The following AATF variants were observed in gnomAD, a reference collection of about 807,000 sequenced individuals.
AATF encodes apoptosis antagonizing transcription factor, also known as protein AATF.
Under a neutral mutation model 63.7 loss-of-function variants are expected in AATF, and 48 were observed. The observed-to-expected ratio is 0.75, with a 90% CI of 0.60 to 0.96. The LOEUF (loss-of-function observed/expected upper bound fraction) is 0.96. Among genes scored for constraint, AATF ranks in the 40% least tolerant of loss-of-function variants. AATF has a pLI of 0.00. For synonymous variants in AATF, 258 were observed against 247.7 expected (o/e 1.04, Z -0.39); for missense variants, 639 against 685.7 (o/e 0.93, Z 0.76).
At chr17:36,949,252 G>T in intron 1 of AATF, 36 bp downstream of exon 1, 1 of 1,557,602 alleles carries the variant, frequency 6.4e-7, no homozygotes, top group Non-Finnish European at 8.7e-7. Flanking sequence ...GTGCGGAGCG[G>T]TGGGCCAGGC....
At position 36,950,399 on chromosome 17, in the gene AATF, T is replaced by G; in HGVS notation, c.277T>G (p.Ser93Ala). The change falls in exon 2 of 12, where the codon TCG becomes GCG. Residue 93 changes from serine (S) to alanine (A), a missense_variant. Coordinates refer to ENST00000619387, the MANE Select transcript of AATF (RefSeq NM_012138.4). ...CCATTGGGAGCAGACTCTGCCAGGATCGTCTGGTGAGTAGACATTTTTGAA... is the reference window on the plus strand; with the variant it reads ...CCATTGGGAGCAGACTCTGCCAGGAGCGTCTGGTGAGTAGACATTTTTGAA... ...EDHWEQTLPG[S>A]SDEEISDEEG... 3 of 1,613,896 alleles carry G rather than the reference T, an allele frequency of 1.9e-6. No individual in the cohort carries two copies. The highest frequency in any genetic ancestry group is 2.5e-6 in the Non-Finnish European group (3 of 1,179,774).
intron 10 of AATF, among the ~76,000 whole-genome samples, chr17:37,021,395 G>A (rs772076303): frequency 1.3e-5 from 2 of 152,160 alleles, no homozygotes; most frequent in African/African-American, 2.4e-5. Context: ...TTGGGAGGCC[G>A]AGGTGGGCAG....
chr17:36,963,082 G>C (rs1303899544), intron 4 of AATF, among the ~76,000 whole-genome samples: 1 of 152,172 alleles, frequency 6.6e-6, no homozygotes, highest in Non-Finnish European at 1.5e-5. Flanking sequence ...TCGCACCATT[G>C]CACTCCAGCC....
rs1567960723 is a variant in AATF at position 36,948,960 on chromosome 17, C to G, written c.-166C>G. ...AGGCCCCGCCCCCTCCCGCGCGCCT[C>G]CCGGAAGTGGCCGGTCCAGAGCTGT... On this transcript the variant is annotated 5_prime_UTR_variant, in exon 1 of 12. Transcript: ENST00000619387. The G allele has an allele frequency of 3.4e-6, 2 of 594,492 alleles. No homozygotes were observed. The highest frequency in any genetic ancestry group is 5.7e-6 in the Non-Finnish European group (2 of 350,338). 36.8% of individuals were successfully genotyped at this position (594,492 alleles called of 1,614,324 possible).
intron 4 of AATF, among the ~76,000 whole-genome samples, chr17:36,970,045 T>C (rs910730096): frequency 1.4e-4 from 21 of 152,226 alleles, no homozygotes; most frequent in Non-Finnish European, 5.9e-5. Context: ...TTGTTTTGTT[T>C]CCAGTTTTTG....
intron 8 of AATF, among the ~76,000 whole-genome samples, chr17:37,000,789 C>G (rs1390476287): frequency 6.6e-6 from 1 of 152,066 alleles, no homozygotes; most frequent in East Asian, 1.9e-4. Context: ...AAGGAGCAAC[C>G]AGTGATGTAA....
intron 8 of AATF, among the ~76,000 whole-genome samples, chr17:37,009,200 C>T (rs367547899): frequency 1.1e-4 from 16 of 152,046 alleles, no homozygotes; most frequent in East Asian, 5.8e-4. Context: ...GGCGCGATCT[C>T]GGCTCACTGC....
At chr17:36,966,474 C>T (rs2070992258) in intron 4 of AATF, among the ~76,000 whole-genome samples, 1 of 152,028 alleles carries the variant, frequency 6.6e-6, no homozygotes, top group Non-Finnish European at 1.5e-5. Flanking sequence ...CACTGTGTTG[C>T]CCAAGCTGGT....
chr17:36,992,815 G>A (rs1235189418), intron 8 of AATF, among the ~76,000 whole-genome samples: 2 of 152,164 alleles, frequency 1.3e-5, no homozygotes, highest in African/African-American at 4.8e-5. Context: ...ATAGAGGTCA[G>A]CAAGGCAGCT....
intron 10 of AATF, 69 bp from the exon 11 acceptor site, chr17:37,031,545 C>T: frequency 7.9e-7 from 1 of 1,268,432 alleles, no homozygotes; most frequent in Non-Finnish European, 1.2e-6. Flanking sequence ...TGTTAACTCA[C>T]TGAATGTGTT....
At chr17:36,995,807 G>T (rs1214892394) in intron 8 of AATF, among the ~76,000 whole-genome samples, 1 of 152,022 alleles carries the variant, frequency 6.6e-6, no homozygotes, top group Admixed American at 6.6e-5. Context: ...GGCTCAAGCA[G>T]TTTGCCCACC....
chr17:36,994,459 G>A (rs2071238841), intron 8 of AATF, among the ~76,000 whole-genome samples: 1 of 152,186 alleles, frequency 6.6e-6, no homozygotes, highest in African/African-American at 2.4e-5. Context: ...TTGGAAACTG[G>A]AATTGCTGAA....
intron 4 of AATF, among the ~76,000 whole-genome samples, chr17:36,972,614 A>T (rs1174723243): frequency 6.6e-6 from 1 of 152,092 alleles, no homozygotes; most frequent in African/African-American, 2.4e-5. Context: ...GTGTGTGTGT[A>T]TAGAAAGTGT....
At chr17:36,979,588 T>C (rs965999088) in intron 4 of AATF, among the ~76,000 whole-genome samples, 1 of 152,114 alleles carries the variant, frequency 6.6e-6, no homozygotes, top group African/African-American at 2.4e-5. Context: ...TTATCTGGGG[T>C]AATATGAATG....
In AATF at chr17:36,968,753, C is replaced by G. The variant is rs536019259; in HGVS notation, c.832+14846C>G. On this transcript the variant is annotated intron_variant, in intron 4 of 11. Transcript: ENST00000619387. ...CTTCCTGCCTTAGCCTCCTGAGTAG[C>G]TAGGACTACAGGTGCATGCCATCCC... Among the ~76,000 whole-genome samples, 64 of 152,086 alleles carry G rather than the reference C, an allele frequency of 4.2e-4. 1 individual carries two copies. The South Asian group carries it at 0.013, about 30-fold the overall frequency.
chr17:36,970,928 A>C (rs1261944651), intron 4 of AATF, among the ~76,000 whole-genome samples: 3 of 152,168 alleles, frequency 2.0e-5, no homozygotes, highest in Non-Finnish European at 4.4e-5. Flanking sequence ...AAAAATTAAC[A>C]CAAGACAGTC....
In AATF at chr17:36,952,930, G is replaced by A; in HGVS notation, c.328G>A (p.Glu110Lys). The A allele has an allele frequency of 1.9e-6, 3 of 1,614,202 alleles. No homozygotes were observed. Among genetic ancestry groups the A allele is most frequent in the Non-Finnish European group, 2.5e-6 (3 of 1,180,042 alleles). The change falls in exon 3 of 12, where the codon GAG (glutamate) becomes AAG (lysine). Residue 110 changes from glutamate to lysine, a missense_variant. By Grantham distance (56) the Glu-to-Lys change is moderately conservative. Transcript: ENST00000619387. ...DEEGSGDEDS[E>K]GLGLEEYDED... The stretch of plus-strand genomic sequence containing the variant: ...GGAAGGGTCTGGAGATGAAGATTCA[G>A]AGGGACTGGGTCTGGAGGAATATGA...
chr17:36,954,669 C>G (rs1047541717), intron 4 of AATF, among the ~76,000 whole-genome samples: 1 of 152,234 alleles, frequency 6.6e-6, no homozygotes, highest in Non-Finnish European at 1.5e-5. Flanking sequence ...AATTGAGAGA[C>G]TATTTGGTTC....
chr17:37,017,062 A>G (rs1173263734), intron 8 of AATF, among the ~76,000 whole-genome samples: 2 of 152,198 alleles, frequency 1.3e-5, no homozygotes, highest in African/African-American at 2.4e-5. Flanking sequence ...AATTGCAGAG[A>G]CCACTGCAGT....
Sources: gnomAD v4.1 joint callset for allele counts (sites outside exome capture counted in the v4.1 genomes callset) on GRCh38, gnomAD v4.1.1 for gene constraint, MANE v1.5 for transcripts, NCBI Gene and HGNC (gene_info 2026-07-23, HGNC 2026-07-21) for gene names.